Variants in ACAD10 observed in about 807,000 individuals in gnomAD.
ACAD10 encodes acyl-CoA dehydrogenase family member 10, also known as ACAD-10.
In ACAD10, 112 loss-of-function variants were observed where a neutral mutation model predicts 116.8. The ratio of observed to expected loss-of-function variants is 0.96; its 90% confidence interval spans 0.82 to 1.12. ACAD10 has a LOEUF of 1.12. ACAD10 is among the 50% of genes most tolerant of loss of function. The pLI, the probability that ACAD10 is intolerant of heterozygous loss-of-function variation, is 0.00. For synonymous variants in ACAD10, 486 were observed against 510.6 expected, an observed-to-expected ratio of 0.95 and a Z score of 0.65; for missense variants, 1,259 against 1,350.2, an observed-to-expected ratio of 0.93 and a Z score of 1.06.
chr12:111,744,642 G>A lies in ACAD10; in HGVS notation c.1715-1G>A. The A allele has an allele frequency of 6.2e-7, 1 of 1,611,080 alleles. No homozygotes were observed. Among genetic ancestry groups the A allele is most frequent in the Non-Finnish European group, 8.5e-7 (1 of 1,178,170 alleles). On this transcript the variant is annotated splice_acceptor_variant, in intron 12 of 20. Coordinates refer to ENST00000313698, the MANE Select transcript of ACAD10 (RefSeq NM_025247.6). LOFTEE classifies it high-confidence loss of function. Reference sequence around the variant, plus strand: ...CACTGTTTTTCTTTGATTCTGCTTAGGGCAAGCAAGCTCCACATATGCGGA... The same window carrying A: ...CACTGTTTTTCTTTGATTCTGCTTAAGGCAAGCAAGCTCCACATATGCGGA...
rs140457295 is a variant in ACAD10 at position 111,736,780 on chromosome 12, G to C, written c.1541-51G>C. ...AGAATTTAAATATTTGCCAGCCACA[G>C]GGGCGTGTCACGTCAGTGACTACCC... On this transcript the variant is annotated intron_variant, in intron 11 of 20. Transcript: ENST00000313698. 1.9e-4 allele frequency: 303 copies of C among 1,559,134 alleles called. No individual in the cohort carries two copies. In the Admixed American group the frequency reaches 3.8e-3, roughly 20 times the overall value.
chr12:111,748,909 A>T, intron 17 of ACAD10: 1 of 1,149,270 alleles, frequency 8.7e-7, no homozygotes, highest in Non-Finnish European at 1.3e-6. Context: ...ACAAACCACT[A>T]GGAGCTTCAG....
Position 111,692,682 on chromosome 12 carries a change from C to T in ACAD10, c.-13-15C>T, listed in dbSNP as rs766492993. 1.2e-6 allele frequency: 2 copies of T among 1,605,636 alleles called. No homozygotes were observed. Among genetic ancestry groups the T allele is most frequent in the Middle Eastern group, 2.0e-4 (1 of 4,978 alleles). On this transcript the variant is annotated splice_polypyrimidine_tract_variant and intron_variant, in intron 1 of 20. Transcript: ENST00000313698. ...AGTGCAGGCAAGTAACGCCCTGTGCCTTCTTCCCACACAGCCTCAGCCTCA... is the reference window on the plus strand; with the variant it reads ...AGTGCAGGCAAGTAACGCCCTGTGCTTTCTTCCCACACAGCCTCAGCCTCA...
Position 111,756,630 on chromosome 12 carries a change from C to T in ACAD10, c.*157C>T. On this transcript the variant is annotated 3_prime_UTR_variant, in exon 21 of 21. Coordinates refer to ENST00000313698, the MANE Select transcript of ACAD10 (RefSeq NM_025247.6). ...GGGTGGACTCAATCTTTCTGGTTCTCCACAGAAGACGTCTCTGCAAGAAGC... is the reference window on the plus strand; with the variant it reads ...GGGTGGACTCAATCTTTCTGGTTCTTCACAGAAGACGTCTCTGCAAGAAGC... 8.3e-7 allele frequency: 1 copy of T among 1,202,960 alleles called. No homozygotes were observed. The highest frequency in any genetic ancestry group is 1.5e-5 in the African/African-American group (1 of 66,526). 74.5% of individuals were successfully genotyped at this position (1,202,960 alleles called of 1,614,324 possible).
chr12:111,746,989 G>T, intron 14 of ACAD10, 60 bp from the exon 15 acceptor site: 1 of 1,516,290 alleles, frequency 6.6e-7, no homozygotes, highest in South Asian at 1.3e-5. Context: ...GACAGAGCTT[G>T]ACTCTGTTTT....
intron 3 of ACAD10, among the ~76,000 whole-genome samples, chr12:111,704,910 A>T (rs1888456042): frequency 6.6e-6 from 1 of 151,546 alleles, no homozygotes; most frequent in Admixed American, 6.6e-5. Flanking sequence ...GATGGTCTCG[A>T]TCTCCTGACC....
intron 12 of ACAD10, among the ~76,000 whole-genome samples, chr12:111,744,409 G>A (rs539994886): frequency 5.3e-5 from 8 of 152,246 alleles, no homozygotes; most frequent in South Asian, 2.1e-4. Flanking sequence ...CTTCCAGCTC[G>A]TCCAAGTCAC....
chr12:111,693,519 C>A (rs1888113419), intron 2 of ACAD10, among the ~76,000 whole-genome samples: 1 of 152,114 alleles, frequency 6.6e-6, no homozygotes, highest in Non-Finnish European at 1.5e-5. Flanking sequence ...GCCTGGGTAA[C>A]AGAGCAAGAC....
In ACAD10 at chr12:111,720,933, G is replaced by A. The variant is rs535057546; in HGVS notation, c.993-738G>A. 1.3e-4 allele frequency among the ~76,000 whole-genome samples: 20 copies of A among 151,928 alleles called. No homozygotes were observed. In the South Asian group the frequency reaches 3.7e-3, roughly 28 times the overall value. Reference sequence around the variant, plus strand: ...CAAGTAGCTGGGATTACAGGCACGCGCCACCATGCCTGGCTAATTTTTGTA... The same window carrying A: ...CAAGTAGCTGGGATTACAGGCACGCACCACCATGCCTGGCTAATTTTTGTA... On this transcript the variant is annotated intron_variant, in intron 7 of 20. Coordinates refer to ENST00000313698, the MANE Select transcript of ACAD10 (RefSeq NM_025247.6).
intron 2 of ACAD10, among the ~76,000 whole-genome samples, chr12:111,698,483 C>CTTT (rs796227879): frequency 7.1e-6 from 1 of 140,046 alleles, no homozygotes; most frequent in African/African-American, 2.6e-5. Flanking sequence ...TTCAGTAAAC[C>CTTT]TTTTTTTTTT....
At chr12:111,725,358 A>G (rs1011690078) in intron 8 of ACAD10, among the ~76,000 whole-genome samples, 3 of 151,974 alleles carry the variant, frequency 2.0e-5, no homozygotes, top group African/African-American at 7.3e-5. Context: ...AACAAACAAA[A>G]AATTAGCCAG....
intron 18 of ACAD10, 154 bp downstream of exon 18, chr12:111,749,499 A>G (rs1890010764): frequency 1.9e-6 from 2 of 1,026,386 alleles, no homozygotes; most frequent in Non-Finnish European, 1.4e-6. Context: ...TCTGCTTTGC[A>G]TCTGCTACTT....
At position 111,749,058 on chromosome 12, in the gene ACAD10, G is replaced by A. The variant is rs758157214; in HGVS notation, c.2645-115G>A. On this transcript the variant is annotated intron_variant, in intron 17 of 20. Coordinates refer to ENST00000313698, the MANE Select transcript of ACAD10 (RefSeq NM_025247.6). Reference sequence around the variant, plus strand: ...CCTTTAACCATGTCCCAGTAAGAAGGCTAAATAAAGGGCAGGGACATTGCC... The same window carrying A: ...CCTTTAACCATGTCCCAGTAAGAAGACTAAATAAAGGGCAGGGACATTGCC... 3.7e-6 allele frequency: 6 copies of A among 1,613,094 alleles called. No individual in the cohort carries two copies. The African/African-American group carries it at 5.3e-5, about 14-fold the overall frequency.
intron 18 of ACAD10, among the ~76,000 whole-genome samples, chr12:111,752,125 T>C (rs918182166): frequency 6.6e-5 from 10 of 150,566 alleles, no homozygotes; most frequent in Non-Finnish European, 1.5e-4. Flanking sequence ...CTCAGGAGGC[T>C]GAGGTGGGAG....
At chr12:111,697,585 T>TC (rs1020865691) in intron 2 of ACAD10, among the ~76,000 whole-genome samples, 7 of 73,374 alleles carry the variant, frequency 9.5e-5, no homozygotes, top group African/African-American at 4.0e-4. Flanking sequence ...GGTCTCTCTC[T>TC]TTTTTTTTTT....
At chr12:111,748,188 G>C (rs572492106) in intron 16 of ACAD10, 129 bp from the exon 17 acceptor site, 6 of 1,182,144 alleles carry the variant, frequency 5.1e-6, no homozygotes, top group Admixed American at 2.2e-5. Context: ...ATGCTCATCT[G>C]ATTACATGGA....
At chr12:111,694,956 C>T (rs940128195) in intron 2 of ACAD10, among the ~76,000 whole-genome samples, 3 of 151,850 alleles carry the variant, frequency 2.0e-5, no homozygotes, top group South Asian at 2.1e-4. Context: ...TTAGCCTGGG[C>T]GATTGAGGCT....
intron 18 of ACAD10, among the ~76,000 whole-genome samples, chr12:111,752,076 G>A (rs7295396): frequency 6.9e-6 from 1 of 143,908 alleles, no homozygotes; most frequent in African/African-American, 2.5e-5. Flanking sequence ...AAAAAAAAAA[G>A]TAGCCAGGTG....
intron 5 of ACAD10, chr12:111,710,113 A>G (rs922819299): frequency 1.5e-5 from 4 of 271,814 alleles, no homozygotes; most frequent in African/African-American, 7.2e-5. Flanking sequence ...TTTCTCATAC[A>G]GGGTCTTGTT....
Sources: gnomAD v4.1 joint callset for allele counts (sites outside exome capture counted in the v4.1 genomes callset) on GRCh38, gnomAD v4.1.1 for gene constraint, MANE v1.5 for transcripts, NCBI Gene and HGNC (gene_info 2026-07-23, HGNC 2026-07-21) for gene names.